ZNF81: variants seen among roughly 807,000 people sequenced by gnomAD.
ZNF81 encodes zinc finger protein 81, also known as zinc finger protein 81 (HFZ20).
In ZNF81, 5 loss-of-function variants were observed where a neutral mutation model predicts 32.3. That is an observed-to-expected ratio of 0.15 (90% CI 0.08 to 0.33). The LOEUF (loss-of-function observed/expected upper bound fraction) is 0.33, where lower values mean the gene tolerates loss of function less well. ZNF81 is among the 10% of genes least tolerant of loss of function. ZNF81 has a pLI of 1.00. For missense variants in ZNF81, 379 were observed against 479.8 expected, an observed-to-expected ratio of 0.79 and a Z score of 1.96; for synonymous variants, 163 against 166.8, an observed-to-expected ratio of 0.98 and a Z score of 0.17.
At chrX:47,898,958 T>C (rs1428615880) in intron 4 of ZNF81, among the ~76,000 whole-genome samples, 1 of 112,203 alleles carries the variant, frequency 8.9e-6, no homozygotes, top group African/African-American at 3.2e-5. Context: ...ATTAACTTTG[T>C]ATCCTGAGGC....
At chrX:47,905,253 A>AT (rs145582781) in intron 4 of ZNF81, among the ~76,000 whole-genome samples, 52 of 106,404 alleles carry the variant, frequency 4.9e-4, no homozygotes, top group African/African-American at 1.7e-3. Context: ...AAAAAAAAAA[A>AT]TACAAAAATT....
At chrX:47,843,467 T>TCACACACACACACA (rs1569371669) in intron 1 of ZNF81, among the ~76,000 whole-genome samples, 7 of 49,587 alleles carry the variant, frequency 1.4e-4, no homozygotes, top group African/African-American at 2.5e-4. Flanking sequence ...ACACACACAT[T>TCACACACACACACA]CTTGACTCCT....
At chrX:47,905,240 T>A (rs1556888947) in intron 4 of ZNF81, among the ~76,000 whole-genome samples, 1 of 9,330 alleles carries the variant, frequency 1.1e-4, no homozygotes. Flanking sequence ...AAAAATCAAC[T>A]CCAAAAAAAA....
At chrX:47,865,909 G>A (rs1033474798) in intron 2 of ZNF81, among the ~76,000 whole-genome samples, 2 of 111,773 alleles carry the variant, frequency 1.8e-5, no homozygotes, top group African/African-American at 6.5e-5. Flanking sequence ...TAATACCACC[G>A]TCAGAGCCAT....
chrX:47,888,118 C>T lies in ZNF81; in HGVS notation c.174C>T (p.Leu58=). The T allele has an allele frequency of 8.3e-7, 1 of 1,209,026 alleles. No individual in the cohort carries two copies. Among genetic ancestry groups the T allele is most frequent in the Middle Eastern group, 2.3e-4 (1 of 4,317 alleles). ...DVMLENYSHL[L]SVGFEVPKPE... Reference sequence around the variant, plus strand: ...TGTTGGAGAACTACAGCCACCTGCTCTCAGTGGGTAAGGACAACCATCCTG... The same window carrying T: ...TGTTGGAGAACTACAGCCACCTGCTTTCAGTGGGTAAGGACAACCATCCTG... The change falls in exon 3 of 5, where the codon CTC becomes CTT. Residue 58 remains leucine (L), a synonymous_variant. Transcript: ENST00000338637.
chrX:47,846,276 T>C lies in ZNF81; in HGVS notation c.9T>C (p.Ala3=). MP[A]NEDAPQPGEH... Reference sequence around the variant, plus strand: ...CCAAGTCCGTCGGGAACATGCCAGCTAACGAGGACGCTCCCCAGCCAGGGG... The same window carrying C: ...CCAAGTCCGTCGGGAACATGCCAGCCAACGAGGACGCTCCCCAGCCAGGGG... The change falls in exon 2 of 5, where the codon GCT becomes GCC. Residue 3 remains alanine (A), a synonymous_variant. Coordinates refer to ENST00000338637, the MANE Select transcript of ZNF81 (RefSeq NM_007137.5). 1 of 1,209,020 alleles carries C rather than the reference T, an allele frequency of 8.3e-7. No individual in the cohort carries two copies. The highest frequency in any genetic ancestry group is 1.1e-6 in the Non-Finnish European group (1 of 894,895).
rs1464430938 is a variant in ZNF81 at position 47,918,944 on chromosome X, T to C, written c.*2312T>C. Reference sequence around the variant, plus strand: ...CAGTTATCCTGTACCTATCCCACCATTGTATATATTGGGTGTATGTTGGGG... The same window carrying C: ...CAGTTATCCTGTACCTATCCCACCACTGTATATATTGGGTGTATGTTGGGG... On this transcript the variant is annotated 3_prime_UTR_variant, in exon 5 of 5. Transcript: ENST00000338637. The C allele has an allele frequency of 8.2e-6, 2 of 242,930 alleles. No homozygotes were observed. The highest frequency in any genetic ancestry group is 8.8e-5 in the South Asian group (2 of 22,827). 20.0% of individuals were successfully genotyped at this position (242,930 alleles called of 1,213,427 possible). A position where few individuals can be genotyped will look rare whatever the true frequency, so the allele number is the denominator to read the frequency against.
intron 2 of ZNF81, among the ~76,000 whole-genome samples, chrX:47,850,232 G>T (rs1245178932): frequency 1.8e-5 from 2 of 109,172 alleles, no homozygotes; most frequent in Non-Finnish European, 3.8e-5. Flanking sequence ...ATAGAGTGGG[G>T]CCAGGTGTGA....
intron 2 of ZNF81, among the ~76,000 whole-genome samples, chrX:47,876,823 A>G (rs1178165496): frequency 8.9e-6 from 1 of 112,022 alleles, no homozygotes; most frequent in Non-Finnish European, 1.9e-5. Context: ...TGTTGTATTG[A>G]CATCTTACAT....
At chrX:47,849,202 G>A (rs1011387536) in intron 2 of ZNF81, among the ~76,000 whole-genome samples, 6 of 111,426 alleles carry the variant, frequency 5.4e-5, no homozygotes, top group Admixed American at 2.9e-4. Flanking sequence ...TCTTAAAAAC[G>A]TTTTTATTGT....
chrX:47,907,487 T>C (rs1315129738), intron 4 of ZNF81, among the ~76,000 whole-genome samples: 2 of 111,146 alleles, frequency 1.8e-5, no homozygotes, highest in African/African-American at 3.3e-5. Flanking sequence ...TAAGTGTGTA[T>C]AAAAGTTGTC....
chrX:47,919,232 T>A lies in ZNF81; in HGVS notation c.*2600T>A. 3.0e-6 allele frequency: 1 copy of A among 328,825 alleles called. No homozygotes were observed. Among genetic ancestry groups the A allele is most frequent in the Non-Finnish European group, 5.9e-6 (1 of 169,062 alleles). 27.1% of individuals were successfully genotyped at this position (328,825 alleles called of 1,213,427 possible). A position where few individuals can be genotyped will look rare whatever the true frequency, so the allele number is the denominator to read the frequency against. On this transcript the variant is annotated 3_prime_UTR_variant, in exon 5 of 5. Transcript: ENST00000338637. ...AATGCTACAGATGTCTTCATCCCTGTATATGTGTCCTTCTTCAGTCTTTAT... is the reference window on the plus strand; with the variant it reads ...AATGCTACAGATGTCTTCATCCCTGAATATGTGTCCTTCTTCAGTCTTTAT...
intron 4 of ZNF81, among the ~76,000 whole-genome samples, chrX:47,909,711 A>G (rs782181813): frequency 1.9e-5 from 2 of 105,717 alleles, no homozygotes; most frequent in East Asian, 6.0e-4. Flanking sequence ...GCACCCATTA[A>G]CTTGTCATTT....
rs1300581217 is a variant in ZNF81, at chrX:47,923,279, G to A, written c.*6647G>A. Reference sequence around the variant, plus strand: ...AACTCTCTGTGCTTGGGACACTGAGGTGGGATTTGAGAGCTTGTTTCCGGC... The same window carrying A: ...AACTCTCTGTGCTTGGGACACTGAGATGGGATTTGAGAGCTTGTTTCCGGC... On this transcript the variant is annotated 3_prime_UTR_variant, in exon 5 of 5. Transcript: ENST00000338637. 4.5e-5 allele frequency among the ~76,000 whole-genome samples: 5 copies of A among 111,548 alleles called. No individual in the cohort carries two copies. The highest frequency in any genetic ancestry group is 1.6e-4 in the African/African-American group (5 of 30,601).
chrX:47,918,961 A>T lies in ZNF81; in HGVS notation c.*2329A>T, dbSNP rs1177863395. On this transcript the variant is annotated 3_prime_UTR_variant, in exon 5 of 5. Transcript: ENST00000338637. ...TCCCACCATTGTATATATTGGGTGT[A>T]TGTTGGGGGGCATGTAACTTGTCAT... 20 of 255,613 alleles carry T rather than the reference A, an allele frequency of 7.8e-5. No individual in the cohort carries two copies. Among genetic ancestry groups the T allele is most frequent in the South Asian group, 7.7e-4 (20 of 26,024 alleles). 21.1% of individuals were successfully genotyped at this position (255,613 alleles called of 1,213,427 possible).
intron 2 of ZNF81, among the ~76,000 whole-genome samples, chrX:47,853,138 G>GT (rs2058502174): frequency 9.0e-6 from 1 of 110,706 alleles, no homozygotes; most frequent in Non-Finnish European, 1.9e-5. Context: ...AAACTATGCT[G>GT]TAAACAGATG....
intron 2 of ZNF81, among the ~76,000 whole-genome samples, chrX:47,887,657 T>C (rs1556885953): frequency 1.8e-5 from 2 of 111,277 alleles, no homozygotes; most frequent in East Asian, 5.6e-4. Flanking sequence ...TTTTTAAAAA[T>C]TGGGATGGAA....
At chrX:47,852,598 C>A (rs1449923001) in intron 2 of ZNF81, among the ~76,000 whole-genome samples, 3 of 112,387 alleles carry the variant, frequency 2.7e-5, no homozygotes, top group African/African-American at 9.7e-5. Context: ...AACTCCTCAT[C>A]CGTTAAAGTT....
chrX:47,888,286 A>AG (rs1452675628), intron 3 of ZNF81, 161 bp downstream of exon 3: 3 of 745,396 alleles, frequency 4.0e-6, no homozygotes, highest in Non-Finnish European at 5.9e-6. Flanking sequence ...TGAGATCATT[A>AG]GGGTGGGCTT....
Sources: gnomAD v4.1 joint callset for allele counts (sites outside exome capture counted in the v4.1 genomes callset) on GRCh38, gnomAD v4.1.1 for gene constraint, MANE v1.5 for transcripts, NCBI Gene and HGNC (gene_info 2026-07-23, HGNC 2026-07-21) for gene names.